The following CACNA2D3 variants were observed in gnomAD, a reference collection of about 807,000 sequenced individuals.
CACNA2D3 encodes the protein calcium voltage-gated channel auxiliary subunit alpha2delta 3.
Under a neutral mutation model 160.6 loss-of-function variants are expected in CACNA2D3, and 60 were observed. That is an observed-to-expected ratio of 0.37 (90% CI 0.30 to 0.46). The LOEUF is 0.46. Among genes scored for constraint, CACNA2D3 ranks in the 20% least tolerant of loss-of-function variants. CACNA2D3 has a pLI of 1.00. For synonymous variants in CACNA2D3, 558 were observed against 492.9 expected, an observed-to-expected ratio of 1.13 and a Z score of -1.75; for missense variants, 1,205 against 1,365.0, an observed-to-expected ratio of 0.88 and a Z score of 1.85.
At chr3:54,675,985 G>C (rs1700236739) in intron 11 of CACNA2D3, among the ~76,000 whole-genome samples, 1 of 152,126 alleles carries the variant, frequency 6.6e-6, no homozygotes, top group African/African-American at 2.4e-5. Context: ...AAATCCCTTT[G>C]ATATTCTGCA....
At chr3:54,405,526 A>G (rs1427852316) in intron 4 of CACNA2D3, among the ~76,000 whole-genome samples, 4 of 152,086 alleles carry the variant, frequency 2.6e-5, no homozygotes, top group Non-Finnish European at 5.9e-5. Flanking sequence ...CATGTGCAAA[A>G]GAATGAAATT....
At chr3:54,285,384 G>A (rs1233191775) in intron 2 of CACNA2D3, among the ~76,000 whole-genome samples, 2 of 152,182 alleles carry the variant, frequency 1.3e-5, no homozygotes, top group Non-Finnish European at 2.9e-5. Flanking sequence ...GCTGGGGGAG[G>A]GTCGCCTGCC....
At chr3:54,425,684 TC>T (rs1699902419) in intron 4 of CACNA2D3, among the ~76,000 whole-genome samples, 1 of 152,188 alleles carries the variant, frequency 6.6e-6, no homozygotes, top group Non-Finnish European at 1.5e-5. Context: ...TCTCTCATGA[TC>T]ACTTTTGGGG....
intron 2 of CACNA2D3, among the ~76,000 whole-genome samples, chr3:54,217,639 C>T (rs1701484933): frequency 6.6e-6 from 1 of 152,002 alleles, no homozygotes; most frequent in Admixed American, 6.6e-5. Flanking sequence ...GTGACTCCAG[C>T]TGAGGAACAG....
chr3:54,737,661 G>A (rs1318381858), intron 11 of CACNA2D3, among the ~76,000 whole-genome samples: 3 of 152,086 alleles, frequency 2.0e-5, no homozygotes, highest in African/African-American at 7.2e-5. Context: ...GAGCAAAGGC[G>A]GGGATCTCTA....
rs142123670 is a variant in CACNA2D3, at chr3:54,286,698, A to G, written c.205-33744A>G. Among the ~76,000 whole-genome samples the G allele has an allele frequency of 7.0e-3, 1,060 of 152,360 alleles. 3 individuals are homozygous for G. The highest frequency in any genetic ancestry group is 0.01 in the Non-Finnish European group (696 of 68,034). ...CAGAGAGAAAGGTCAGGTTACCCAC[A>G]AAGGGAAGCGCATCAGACTAACCGG... is the stretch of plus-strand genomic sequence containing the variant. On this transcript the variant is annotated intron_variant, in intron 2 of 37. Transcript: ENST00000474759.
chr3:54,556,679 A>G (rs980985321), intron 5 of CACNA2D3, among the ~76,000 whole-genome samples: 4 of 152,200 alleles, frequency 2.6e-5, no homozygotes, highest in Admixed American at 2.6e-4. Context: ...AGTAAAGCAA[A>G]GGGGTCTTTT....
intron 2 of CACNA2D3, among the ~76,000 whole-genome samples, chr3:54,228,781 G>T (rs1701718362): frequency 6.6e-6 from 1 of 152,202 alleles, no homozygotes; most frequent in Non-Finnish European, 1.5e-5. Context: ...TTTCACAGAG[G>T]AATATTACTG....
chr3:54,382,089 G>T (rs987426213), intron 3 of CACNA2D3, among the ~76,000 whole-genome samples: 1 of 152,100 alleles, frequency 6.6e-6, no homozygotes. Context: ...AGTCTTCAAA[G>T]CCATTTTTGT....
intron 11 of CACNA2D3, among the ~76,000 whole-genome samples, chr3:54,712,515 T>G (rs1700970434): frequency 6.6e-6 from 1 of 152,016 alleles, no homozygotes; most frequent in Non-Finnish European, 1.5e-5. Flanking sequence ...ATAAGGGGGA[T>G]TTTCCCTGCA....
chr3:55,006,196 C>T lies in CACNA2D3; in HGVS notation c.2766+1358C>T, dbSNP rs184967739. 2.6e-4 allele frequency among the ~76,000 whole-genome samples: 40 copies of T among 152,280 alleles called. No homozygotes were observed. In the East Asian group the frequency reaches 6.4e-3, roughly 24 times the overall value. ...TAGATTTAAAAGCTCAGTGGCTTTA[C>T]GCTTTTAGATGATAATGTGCATTTA... On this transcript the variant is annotated intron_variant, in intron 32 of 37. Coordinates refer to ENST00000474759, the MANE Select transcript of CACNA2D3 (RefSeq NM_018398.3).
chr3:55,014,044 G>A (rs577726679), intron 34 of CACNA2D3, among the ~76,000 whole-genome samples: 3 of 152,286 alleles, frequency 2.0e-5, no homozygotes, highest in East Asian at 1.9e-4. Flanking sequence ...GGCCAGGCTC[G>A]CATCTGGACC....
intron 4 of CACNA2D3, among the ~76,000 whole-genome samples, chr3:54,446,498 A>C (rs934733906): frequency 2.0e-5 from 3 of 152,174 alleles, no homozygotes; most frequent in Admixed American, 2.0e-4. Flanking sequence ...TTCTTTAAAA[A>C]CTTTCAGAAA....
At chr3:54,510,225 G>A (rs1701438805) in intron 5 of CACNA2D3, among the ~76,000 whole-genome samples, 2 of 152,010 alleles carry the variant, frequency 1.3e-5, no homozygotes, top group South Asian at 4.2e-4. Flanking sequence ...TGGATGGATG[G>A]ATGGATGGAT....
At chr3:54,483,239 A>G (rs1361758498) in intron 4 of CACNA2D3, among the ~76,000 whole-genome samples, 3 of 152,222 alleles carry the variant, frequency 2.0e-5, no homozygotes, top group East Asian at 3.8e-4. Flanking sequence ...GCGTAAGTCT[A>G]AATGCCACAC....
At chr3:54,556,374 G>C (rs999945164) in intron 5 of CACNA2D3, among the ~76,000 whole-genome samples, 8 of 152,232 alleles carry the variant, frequency 5.3e-5, no homozygotes, top group South Asian at 4.2e-4. Context: ...AAATAATGAG[G>C]CTACAAGCCA....
chr3:54,752,947 G>A (rs1364969507), intron 12 of CACNA2D3, among the ~76,000 whole-genome samples: 1 of 149,838 alleles, frequency 6.7e-6, no homozygotes, highest in African/African-American at 2.5e-5. Flanking sequence ...TGCAGACCAC[G>A]CCTCCCGAGT....
chr3:54,415,340 G>A lies in CACNA2D3; in HGVS notation c.381+28566G>A, dbSNP rs544924047. Among the ~76,000 whole-genome samples the A allele has an allele frequency of 9.0e-4, 137 of 152,186 alleles. 1 individual carries two copies. The highest frequency in any genetic ancestry group is 3.2e-3 in the African/African-American group (131 of 41,538). ...ATTTTTAAATTAAACCTTGAATCTG[G>A]TGGCAATCCCGAAAGTAGACAACTC... On this transcript the variant is annotated intron_variant, in intron 4 of 37. Transcript: ENST00000474759.
intron 11 of CACNA2D3, among the ~76,000 whole-genome samples, chr3:54,724,732 G>A (rs1233514807): frequency 6.6e-6 from 1 of 152,106 alleles, no homozygotes; most frequent in East Asian, 1.9e-4. Context: ...TGAGAATGAA[G>A]ACACAACATA....
Sources: allele counts gnomAD v4.1 joint callset (sites outside exome capture counted in the v4.1 genomes callset), GRCh38; gene constraint gnomAD v4.1.1; transcripts MANE v1.5; gene names NCBI Gene and HGNC (gene_info 2026-07-23, HGNC 2026-07-21).